Variants in SPMIP2 observed in about 807,000 individuals in gnomAD.
SPMIP2 encodes the protein protein SPMIP2.
the SPMIP2 span, among the ~76,000 whole-genome samples, chr4:158,998,057 T>C: frequency 1.3e-5 from 2 of 152,184 alleles, no homozygotes; most frequent in Non-Finnish European, 2.9e-5. Flanking sequence ...ATACAATCTC[T>C]ATCACAACTC....
At chr4:159,015,491 C>A in the SPMIP2 span, among the ~76,000 whole-genome samples, 1 of 152,130 alleles carries the variant, frequency 6.6e-6, no homozygotes, top group African/African-American at 2.4e-5. Context: ...ATATAACTTC[C>A]TCCCTTTTGA....
chr4:159,047,063 C>G, the SPMIP2 span, among the ~76,000 whole-genome samples: 1 of 152,148 alleles, frequency 6.6e-6, no homozygotes, highest in African/African-American at 2.4e-5. Flanking sequence ...TCTTTGAGGC[C>G]TTTTAGAGCA....
the SPMIP2 span, among the ~76,000 whole-genome samples, chr4:158,938,764 A>G: frequency 1.3e-5 from 2 of 152,262 alleles, no homozygotes; most frequent in Admixed American, 6.5e-5. Flanking sequence ...GAGTTTGTCC[A>G]TGATGTAAAA....
At chr4:159,059,578 G>A in the SPMIP2 span, among the ~76,000 whole-genome samples, 4 of 152,054 alleles carry the variant, frequency 2.6e-5, no homozygotes, top group African/African-American at 4.8e-5. Context: ...TTGCTATGTT[G>A]CCCAGGCTGG....
the SPMIP2 span, among the ~76,000 whole-genome samples, chr4:159,070,911 G>A: frequency 2.0e-5 from 3 of 152,188 alleles, no homozygotes; most frequent in African/African-American, 7.2e-5. Flanking sequence ...AAGGACGCTT[G>A]ATAGCATGCT....
chr4:158,960,244 A>G, the SPMIP2 span: 49 of 1,179,282 alleles, frequency 4.2e-5, no homozygotes, highest in Middle Eastern at 2.4e-3. Context: ...AATTTAGGAA[A>G]GAAACACAGT....
the SPMIP2 span, chr4:158,905,135 T>G: frequency 6.6e-6 from 1 of 152,530 alleles, no homozygotes; most frequent in Non-Finnish European, 1.5e-5. Context: ...AAGAATTGCT[T>G]GTTGGGAAGA....
the SPMIP2 span, among the ~76,000 whole-genome samples, chr4:158,943,852 C>T: frequency 2.6e-4 from 18 of 69,860 alleles, no homozygotes; most frequent in African/African-American, 6.6e-4. Context: ...TTACTATTGA[C>T]ATTTTCTTTT....
At chr4:158,953,981 G>A in the SPMIP2 span, among the ~76,000 whole-genome samples, 1 of 152,224 alleles carries the variant, frequency 6.6e-6, no homozygotes, top group Admixed American at 6.5e-5. Flanking sequence ...ATAGGCAGAA[G>A]GGACTTGCCT....
At chr4:158,931,862 A>C in the SPMIP2 span, among the ~76,000 whole-genome samples, 7 of 152,080 alleles carry the variant, frequency 4.6e-5, no homozygotes, top group Non-Finnish European at 8.8e-5. Context: ...TGCATCCAGC[A>C]ACTCCAGAAT....
chr4:158,927,091 T>G, the SPMIP2 span, among the ~76,000 whole-genome samples: 115 of 152,360 alleles, frequency 7.5e-4, no homozygotes, highest in African/African-American at 2.7e-3. Context: ...TTCTGTCAGT[T>G]TTTGCTTCAT....
the SPMIP2 span, among the ~76,000 whole-genome samples, chr4:158,919,585 CAGA>C: frequency 6.6e-6 from 1 of 152,186 alleles, no homozygotes; most frequent in African/African-American, 2.4e-5. Context: ...TGCTACCTAC[CAGA>C]ATTCTCCTTT....
At chr4:158,952,408 G>A in the SPMIP2 span, among the ~76,000 whole-genome samples, 1 of 152,082 alleles carries the variant, frequency 6.6e-6, no homozygotes, top group East Asian at 1.9e-4. Context: ...TTTTATTGGG[G>A]GTTTCCACTT....
the SPMIP2 span, among the ~76,000 whole-genome samples, chr4:158,948,690 G>A: frequency 1.0e-3 from 159 of 151,674 alleles, no homozygotes; most frequent in African/African-American, 3.5e-3. Flanking sequence ...TTGACTCATG[G>A]CAGCTTCGAT....
chr4:158,916,707 G>C, the SPMIP2 span, among the ~76,000 whole-genome samples: 1 of 152,114 alleles, frequency 6.6e-6, no homozygotes, highest in Non-Finnish European at 1.5e-5. Flanking sequence ...GCAATGACAC[G>C]ATCTCTGCTC....
the SPMIP2 span, chr4:159,007,061 A>G: frequency 2.0e-6 from 1 of 493,018 alleles, no homozygotes; most frequent in South Asian, 1.6e-5. Context: ...AAATGTATTT[A>G]AAATATATTG....
chr4:158,937,913 G>C, the SPMIP2 span, among the ~76,000 whole-genome samples: 1 of 152,198 alleles, frequency 6.6e-6, no homozygotes, highest in Non-Finnish European at 1.5e-5. Flanking sequence ...AAATATGAAA[G>C]ATAATTTTTT....
At chr4:158,901,683 G>A in the SPMIP2 span, among the ~76,000 whole-genome samples, 17 of 151,540 alleles carry the variant, frequency 1.1e-4, no homozygotes, top group Middle Eastern at 6.8e-3. Context: ...GGCTTTGTTC[G>A]TTTGTTTTCA....
chr4:158,904,368 A>G, the SPMIP2 span: 3 of 1,060,558 alleles, frequency 2.8e-6, no homozygotes, highest in Middle Eastern at 4.8e-4. Context: ...TATCAAACTT[A>G]GTACCTAGAA....
Sources: allele counts gnomAD v4.1 joint callset (sites outside exome capture counted in the v4.1 genomes callset), GRCh38; gene constraint gnomAD v4.1.1; transcripts MANE v1.5; gene names NCBI Gene and HGNC (gene_info 2026-07-23, HGNC 2026-07-21).